TMEM132B: variants seen among roughly 807,000 people sequenced by gnomAD.
TMEM132B encodes transmembrane protein 132B.
TMEM132B carries 18 observed loss-of-function variants against 90.8 expected under a neutral mutation model. That is an observed-to-expected ratio of 0.20 (90% CI 0.14 to 0.29). TMEM132B has a LOEUF of 0.29. TMEM132B is among the 10% of genes least tolerant of loss of function. TMEM132B has a pLI of 1.00. For synonymous variants in TMEM132B, 504 were observed against 523.3 expected, an observed-to-expected ratio of 0.96 and a Z score of 0.50; for missense variants, 1,096 against 1,326.8, an observed-to-expected ratio of 0.83 and a Z score of 2.70.
At chr12:125,201,998 G>A (rs1296750239) in intron 1 of TMEM132B, among the ~76,000 whole-genome samples, 1 of 152,230 alleles carries the variant, frequency 6.6e-6, no homozygotes, top group African/African-American at 2.4e-5. Context: ...TCTTTTGGGG[G>A]ACCATTTCTC....
chr12:125,448,999 C>T (rs1881079496), intron 3 of TMEM132B, among the ~76,000 whole-genome samples: 1 of 136,624 alleles, frequency 7.3e-6, no homozygotes, highest in Non-Finnish European at 1.5e-5. Context: ...TGGAGTCTCG[C>T]TTTGTGCCCC....
chr12:125,548,537 A>G (rs1884144206), intron 4 of TMEM132B, among the ~76,000 whole-genome samples: 1 of 152,226 alleles, frequency 6.6e-6, no homozygotes, highest in South Asian at 2.1e-4. Flanking sequence ...AGTCCCTGGT[A>G]TGAAAAGTGT....
chr12:125,494,588 C>T (rs1447525727), intron 3 of TMEM132B, among the ~76,000 whole-genome samples: 9 of 129,018 alleles, frequency 7.0e-5, no homozygotes, highest in Non-Finnish European at 1.0e-4. Flanking sequence ...GTCCCTCCTC[C>T]CCCTCCTCCC....
intron 2 of TMEM132B, among the ~76,000 whole-genome samples, chr12:125,401,472 G>T (rs1461308265): frequency 6.6e-6 from 1 of 152,170 alleles, no homozygotes; most frequent in African/African-American, 2.4e-5. Context: ...GGTGGTCTAG[G>T]AAAACTTCAC....
intron 3 of TMEM132B, among the ~76,000 whole-genome samples, chr12:125,471,043 C>T (rs1042179911): frequency 2.0e-5 from 3 of 152,370 alleles, no homozygotes; most frequent in Non-Finnish European, 2.9e-5. Context: ...AGCTGGCCGG[C>T]GCCCATGTGG....
At chr12:125,278,607 CT>C (rs1173653814) in intron 1 of TMEM132B, among the ~76,000 whole-genome samples, 1 of 151,220 alleles carries the variant, frequency 6.6e-6, no homozygotes, top group African/African-American at 2.4e-5. Flanking sequence ...CATTGAGCTT[CT>C]TTTTGGGGAT....
At chr12:125,338,957 A>G (rs1289958205) in intron 1 of TMEM132B, among the ~76,000 whole-genome samples, 2 of 152,246 alleles carry the variant, frequency 1.3e-5, no homozygotes, top group Non-Finnish European at 2.9e-5. Context: ...AGATTGAATA[A>G]GCAGCACATG....
chr12:125,272,374 G>T (rs1000043473), intron 1 of TMEM132B, among the ~76,000 whole-genome samples: 19 of 152,130 alleles, frequency 1.2e-4, no homozygotes, highest in African/African-American at 4.1e-4. Context: ...ATATATTGAT[G>T]AATAGGGCGT....
At chr12:125,370,027 C>T (rs1374830217) in intron 2 of TMEM132B, among the ~76,000 whole-genome samples, 10 of 152,006 alleles carry the variant, frequency 6.6e-5, no homozygotes, top group Admixed American at 4.6e-4. Context: ...CCAACCTGGG[C>T]GACAGAGTGA....
intron 1 of TMEM132B, among the ~76,000 whole-genome samples, chr12:125,195,002 C>T (rs1872893457): frequency 1.3e-5 from 2 of 152,066 alleles, no homozygotes; most frequent in African/African-American, 4.8e-5. Flanking sequence ...TGTTTTTTCT[C>T]AAGAAATTGG....
At chr12:125,646,711 C>T (rs1886772186) in intron 6 of TMEM132B, among the ~76,000 whole-genome samples, 1 of 152,194 alleles carries the variant, frequency 6.6e-6, no homozygotes, top group African/African-American at 2.4e-5. Context: ...GACATATGCA[C>T]TAAAACAAAG....
intron 1 of TMEM132B, among the ~76,000 whole-genome samples, chr12:125,230,830 G>A (rs1247550140): frequency 3.3e-5 from 5 of 152,110 alleles, no homozygotes; most frequent in African/African-American, 7.2e-5. Flanking sequence ...GTGATGCTGA[G>A]CACGCTAGAG....
In TMEM132B at chr12:125,656,144, C is replaced by G. The variant is rs1029245103; in HGVS notation, c.*1434C>G. ...ATGAATGGTCTTAAGGCAAAAATTT[C>G]AGATTAGCAAAATGTGATGACATAT... On this transcript the variant is annotated 3_prime_UTR_variant, in exon 9 of 9. Coordinates refer to ENST00000682704, the MANE Select transcript of TMEM132B (RefSeq NM_001366854.1). 1 of 152,158 alleles carries G rather than the reference C, an allele frequency of 6.6e-6. No individual in the cohort carries two copies. Among genetic ancestry groups the G allele is most frequent in the Non-Finnish European group, 1.5e-5 (1 of 68,032 alleles). The allele number at this position is 152,158 out of a possible 1,614,324, so 9.4% of individuals were successfully genotyped here.
At chr12:125,593,030 T>G (rs926415347) in intron 5 of TMEM132B, among the ~76,000 whole-genome samples, 2 of 152,364 alleles carry the variant, frequency 1.3e-5, no homozygotes, top group East Asian at 3.9e-4. Context: ...TCTTTCCCCT[T>G]TAGCAACGCT....
chr12:125,515,193 C>G (rs1883082652), intron 3 of TMEM132B, among the ~76,000 whole-genome samples: 1 of 143,510 alleles, frequency 7.0e-6, no homozygotes, highest in African/African-American at 2.9e-5. Context: ...CGCATTCTCT[C>G]TCATGCACAC....
At chr12:125,477,807 C>T (rs558057143) in intron 3 of TMEM132B, among the ~76,000 whole-genome samples, 74 of 152,300 alleles carry the variant, frequency 4.9e-4, no homozygotes, top group African/African-American at 1.3e-3. Context: ...CCCTGACCCC[C>T]GTGTAACCTA....
intron 5 of TMEM132B, chr12:125,586,243 A>G (rs759458127): frequency 6.6e-6 from 1 of 152,194 alleles, no homozygotes; most frequent in Non-Finnish European, 1.5e-5. Context: ...CATGAGTTAG[A>G]TAAGGGAAAA....
In TMEM132B at chr12:125,415,699, G is replaced by T. The variant is rs762506240; in HGVS notation, c.1106+22G>T. 9 of 1,613,208 alleles carry T rather than the reference G, an allele frequency of 5.6e-6. No individual in the cohort carries two copies. In the South Asian group the frequency reaches 9.9e-5, roughly 18 times the overall value. ...GCAGGTAAGCATGGAGATCCCCAAGGCACCTCCGCAGTGGGGAGGAGGGGA... is the reference window on the plus strand; with the variant it reads ...GCAGGTAAGCATGGAGATCCCCAAGTCACCTCCGCAGTGGGGAGGAGGGGA... On this transcript the variant is annotated intron_variant, in intron 3 of 8. Coordinates refer to ENST00000682704, the MANE Select transcript of TMEM132B (RefSeq NM_001366854.1). The surrounding 1 kb of genome is among the most constrained non-coding windows in gnomAD (Gnocchi z 5.3).
rs76550098 is a variant in TMEM132B at position 125,306,270 on chromosome 12, A to T, written c.68-43182A>T. 3.9e-5 allele frequency among the ~76,000 whole-genome samples: 6 copies of T among 152,392 alleles called. No individual in the cohort carries two copies. In the East Asian group the frequency reaches 1.2e-3, roughly 29 times the overall value. ...TTAAAAAATATTATGCAGGCTTAAC[A>T]CAACACACCTGCCGGCCACATTTAG... On this transcript the variant is annotated intron_variant, in intron 1 of 8. Coordinates refer to ENST00000682704, the MANE Select transcript of TMEM132B (RefSeq NM_001366854.1).
Sources: allele counts gnomAD v4.1 joint callset (sites outside exome capture counted in the v4.1 genomes callset), GRCh38; gene constraint gnomAD v4.1.1; non-coding constraint Gnocchi (gnomAD v3.1); transcripts MANE v1.5; gene names NCBI Gene and HGNC (gene_info 2026-07-23, HGNC 2026-07-21).